Variants in TMEM219 observed in about 807,000 individuals in gnomAD.
TMEM219 encodes transmembrane protein 219, also known as insulin-like growth factor-binding protein 3 receptor.
Under a neutral mutation model 17.9 loss-of-function variants are expected in TMEM219, and 18 were observed. The observed-to-expected ratio is 1.01, with a 90% CI of 0.70 to 1.49. The LOEUF is 1.49. Ranked by LOEUF, TMEM219 falls within the 40% of genes most tolerant of loss-of-function variation. TMEM219 has a pLI of 0.00. For synonymous variants in TMEM219, 113 were observed against 124.0 expected (o/e 0.91, Z 0.59); for missense variants, 288 against 292.4 (o/e 0.99, Z 0.11).
Position 29,971,509 on chromosome 16 carries a change from G to A in TMEM219, c.687G>A (p.Pro229=), listed in dbSNP as rs746858151. 3.0e-5 allele frequency: 49 copies of A among 1,613,706 alleles called. No individual in the cohort carries two copies. Among genetic ancestry groups the A allele is most frequent in the African/African-American group, 5.3e-5 (4 of 74,832 alleles). ...LCCVTAMCFH[P]RRESHWSRTR... is the part of the protein sequence containing the mutation. Reference sequence around the variant, plus strand: ...GTGTCACTGCTATGTGCTTCCACCCGCGCCGGGAGTCCCACTGGTCTAGAA... The same window carrying A: ...GTGTCACTGCTATGTGCTTCCACCCACGCCGGGAGTCCCACTGGTCTAGAA... Residue 229 remains proline (P), a synonymous_variant, in exon 5 of 6, where the codon CCG becomes CCA. Transcript: ENST00000279396.
chr16:29,971,488 C>T lies in TMEM219; in HGVS notation c.666C>T (p.Val222=). ...TCTTCTGTGGCCTTCTCTGCTGTGT[C>T]ACTGCTATGTGCTTCCACCCGCGCC... The part of the protein sequence containing the change: ...LLLFCGLLCC[V]TAMCFHPRRE... Residue 222 remains valine (V), a synonymous_variant, in exon 5 of 6, where the codon GTC becomes GTT. Coordinates refer to ENST00000279396, the MANE Select transcript of TMEM219 (RefSeq NM_001083613.2). The T allele has an allele frequency of 6.2e-7, 1 of 1,614,114 alleles. No individual in the cohort carries two copies. The highest frequency in any genetic ancestry group is 8.5e-7 in the Non-Finnish European group (1 of 1,180,030).
Position 29,963,538 on chromosome 16 carries a change from A to G in TMEM219, c.304A>G (p.Lys102Glu), listed in dbSNP as rs1167955466. The G allele has an allele frequency of 1.2e-6, 2 of 1,614,156 alleles. No homozygotes were observed. The highest frequency in any genetic ancestry group is 1.7e-6 in the Non-Finnish European group (2 of 1,180,028). The change falls in exon 3 of 6, where the codon AAG becomes GAG. Residue 102 changes from lysine to glutamate, a missense_variant. Physicochemically the swap from Lys to Glu is moderately conservative, Grantham distance 56 (BLOSUM62 1). Transcript: ENST00000279396. ...CTTCGGAGACGGTCCAGACAGGAAC[A>G]AGACCCGGACATTCCAGGCCACAGT... ...LNFGDGPDRN[K>E]TRTFQATVLG...
Position 29,963,536 on chromosome 16 carries a change from AC to A in TMEM219, c.303del (p.Asn101LysfsTer17). 6.2e-7 allele frequency: 1 copy of A among 1,614,136 alleles called. No homozygotes were observed. The highest frequency in any genetic ancestry group is 8.5e-7 in the Non-Finnish European group (1 of 1,180,028). ...TLNFGDGPDR[N>X]KTRTFQATVL... is the part of the protein sequence containing the mutation. The stretch of plus-strand genomic sequence containing the variant: ...AACTTCGGAGACGGTCCAGACAGGA[AC>A]AAGACCCGGACATTCCAGGCCACAG... On this transcript the variant is annotated frameshift_variant, in exon 3 of 6. Coordinates refer to ENST00000279396, the MANE Select transcript of TMEM219 (RefSeq NM_001083613.2). LOFTEE classifies it high-confidence loss of function.
chr16:29,967,722 T>C (rs1309103424), intron 3 of TMEM219, among the ~76,000 whole-genome samples: 2 of 151,968 alleles, frequency 1.3e-5, no homozygotes, highest in Non-Finnish European at 2.9e-5. Flanking sequence ...GGTCAGGAGA[T>C]CAAGACCATC....
chr16:29,968,312 T>C (rs751922334), intron 4 of TMEM219, 58 bp downstream of exon 4: 66 of 1,398,522 alleles, frequency 4.7e-5, no homozygotes, highest in Non-Finnish European at 6.2e-5. Flanking sequence ...CTACTGTATC[T>C]TGAAGGTCCC....
rs753079756 is a variant in TMEM219, at chr16:29,971,536, C to G, written c.714C>G (p.Thr238=). Residue 238 remains threonine (T), a synonymous_variant, in exon 5 of 6, where the codon ACC becomes ACG. Coordinates refer to ENST00000279396, the MANE Select transcript of TMEM219 (RefSeq NM_001083613.2). ...HPRRESHWSR[T]RL is the part of the protein sequence containing the mutation. ...GCCGGGAGTCCCACTGGTCTAGAACCCGGCTCTGAGGGCACTGGCCTAGTT... is the reference window on the plus strand; with the variant it reads ...GCCGGGAGTCCCACTGGTCTAGAACGCGGCTCTGAGGGCACTGGCCTAGTT... 6.2e-7 allele frequency: 1 copy of G among 1,613,344 alleles called. No individual in the cohort carries two copies. Among genetic ancestry groups the G allele is most frequent in the Non-Finnish European group, 8.5e-7 (1 of 1,179,882 alleles).
chr16:29,967,779 T>C (rs2069231024), intron 3 of TMEM219, among the ~76,000 whole-genome samples: 1 of 151,940 alleles, frequency 6.6e-6, no homozygotes, highest in South Asian at 2.1e-4. Flanking sequence ...TACAAAAAAT[T>C]AGCTGGGCCT....
chr16:29,967,736 G>A (rs536395211), intron 3 of TMEM219, among the ~76,000 whole-genome samples: 9 of 152,170 alleles, frequency 5.9e-5, no homozygotes, highest in Admixed American at 2.0e-4. Flanking sequence ...GACCATCCTG[G>A]CTACCACAGT....
rs559682076 is a variant in TMEM219 at position 29,964,478 on chromosome 16, G to A, written c.355+889G>A. On this transcript the variant is annotated intron_variant, in intron 3 of 5. Transcript: ENST00000279396. ...AGCCTGGGAGACAGAGCAAGACTCC[G>A]TCTCAAACAAACAAACAAACAAAAA... 4.0e-5 allele frequency among the ~76,000 whole-genome samples: 6 copies of A among 151,332 alleles called. No homozygotes were observed. The East Asian group carries it at 5.8e-4, about 15-fold the overall frequency.
chr16:29,971,747 C>T (rs868275594), intron 5 of TMEM219, 169 bp downstream of exon 5: 11 of 497,338 alleles, frequency 2.2e-5, no homozygotes, highest in African/African-American at 5.9e-5. Context: ...AATTTGACAC[C>T]GTCAGCATTC....
At chr16:29,967,788 C>G (rs1014599103) in intron 3 of TMEM219, among the ~76,000 whole-genome samples, 4 of 151,938 alleles carry the variant, frequency 2.6e-5, no homozygotes, top group Non-Finnish European at 2.9e-5. Flanking sequence ...TTAGCTGGGC[C>G]TGGTGGTGGG....
intron 4 of TMEM219, 60 bp from the exon 5 acceptor site, chr16:29,971,348 C>G: frequency 6.2e-7 from 1 of 1,605,872 alleles, no homozygotes; most frequent in Non-Finnish European, 8.5e-7. Context: ...GAGGCTCCTT[C>G]TATAGCCCTT....
Position 29,963,119 on chromosome 16 carries a change from G to C in TMEM219, c.-25G>C, listed in dbSNP as rs370073098. 6.2e-7 allele frequency: 1 copy of C among 1,606,454 alleles called. No homozygotes were observed. Among genetic ancestry groups the C allele is most frequent in the Non-Finnish European group, 8.5e-7 (1 of 1,178,842 alleles). ...CCCTGTCTTCCAGCAGGCTCTCCCC[G>C]GAGGCTCAGCCCCCTCTGCTCCCCA... On this transcript the variant is annotated 5_prime_UTR_variant, in exon 2 of 6. Transcript: ENST00000279396.
In TMEM219 at chr16:29,967,710, G is replaced by A. The variant is rs571082509; in HGVS notation, c.356-315G>A. Among the ~76,000 whole-genome samples, 47 of 152,198 alleles carry A rather than the reference G, an allele frequency of 3.1e-4. No individual in the cohort carries two copies. The East Asian group carries it at 8.9e-3, about 29-fold the overall frequency. On this transcript the variant is annotated intron_variant, in intron 3 of 5. Transcript: ENST00000279396. ...TGGGAGGCCAAGGCGGGCGGATCAC[G>A]AGGTCAGGAGATCAAGACCATCCTG...
rs768173133 is a variant in TMEM219 at position 29,963,523 on chromosome 16, G to T, written c.289G>T (p.Gly97Cys). 1.9e-6 allele frequency: 3 copies of T among 1,614,102 alleles called. No individual in the cohort carries two copies. Among genetic ancestry groups the T allele is most frequent in the Non-Finnish European group, 1.7e-6 (2 of 1,180,022 alleles). ...GLLTTLNFGD[G>C]PDRNKTRTFQ... ...GCTGACCACCTTGAACTTCGGAGAC[G>T]GTCCAGACAGGAACAAGACCCGGAC... Residue 97 changes from glycine to cysteine, a missense_variant, in exon 3 of 6, where the codon GGT (glycine) becomes TGT (cysteine). Transcript: ENST00000279396.
rs527805656 is a variant in TMEM219 at position 29,971,759 on chromosome 16, A to G, written c.*33+181A>G. ...AACAATTTGACACCGTCAGCATTCA[A>G]TATTTTTCTAATTACTTTAACTTTT... is the stretch of plus-strand genomic sequence containing the variant. On this transcript the variant is annotated intron_variant, in intron 5 of 5. Transcript: ENST00000279396. 164 of 479,292 alleles carry G rather than the reference A, an allele frequency of 3.4e-4. 2 individuals are homozygous for G. Among genetic ancestry groups the G allele is most frequent in the Non-Finnish European group, 5.4e-4 (148 of 276,420 alleles). 29.7% of individuals were successfully genotyped at this position (479,292 alleles called of 1,614,324 possible). A position where few individuals can be genotyped will look rare whatever the true frequency, so the allele number is the denominator to read the frequency against.
At chr16:29,972,059 C>A (rs938256608) in intron 5 of TMEM219, 13 of 153,154 alleles carry the variant, frequency 8.5e-5, no homozygotes, top group African/African-American at 3.1e-4. Context: ...CATACACATT[C>A]TTTTGTGGCT....
intron 4 of TMEM219, among the ~76,000 whole-genome samples, chr16:29,968,881 A>G (rs1185028993): frequency 6.6e-6 from 1 of 152,208 alleles, no homozygotes; most frequent in East Asian, 1.9e-4. Flanking sequence ...AAGGGAGTGA[A>G]TTGCTGCAGG....
At chr16:29,971,290 A>AATTTCCC in intron 4 of TMEM219, 118 bp from the exon 5 acceptor site, 1 of 1,088,402 alleles carries the variant, frequency 9.2e-7, no homozygotes, top group Non-Finnish European at 1.3e-6. Flanking sequence ...TGAAAATAAC[A>AATTTCCC]TTTTCCCTTC....
Sources: allele counts gnomAD v4.1 joint callset (sites outside exome capture counted in the v4.1 genomes callset), GRCh38; gene constraint gnomAD v4.1.1; transcripts MANE v1.5; gene names NCBI Gene and HGNC (gene_info 2026-07-23, HGNC 2026-07-21).